NR3C2: variants seen among roughly 807,000 people sequenced by gnomAD.
NR3C2 encodes the protein mineralocorticoid receptor.
A neutral mutation model predicts 86.4 loss-of-function variants in NR3C2; 15 were observed. That is an observed-to-expected ratio of 0.17 (90% CI 0.12 to 0.27). The LOEUF (loss-of-function observed/expected upper bound fraction) is 0.27. Among genes scored for constraint, NR3C2 ranks in the 10% least tolerant of loss-of-function variants. NR3C2 has a pLI of 1.00. For missense variants in NR3C2, 960 were observed against 1,195.6 expected (o/e 0.80, Z 2.91); for synonymous variants, 458 against 450.5 (o/e 1.02, Z -0.21).
chr4:148,313,945 AG>A (rs370861366), intron 2 of NR3C2, among the ~76,000 whole-genome samples: 2 of 152,326 alleles, frequency 1.3e-5, no homozygotes, highest in Non-Finnish European at 2.9e-5. Flanking sequence ...CATCTTTTCA[AG>A]GGGGAAGGTA....
intron 4 of NR3C2, among the ~76,000 whole-genome samples, chr4:148,192,245 T>C (rs1200293203): frequency 6.6e-6 from 1 of 152,176 alleles, no homozygotes; most frequent in East Asian, 1.9e-4. Flanking sequence ...ACTGCAGTGA[T>C]TGTTGTCTCT....
At chr4:148,344,382 C>T (rs1302667366) in intron 2 of NR3C2, among the ~76,000 whole-genome samples, 1 of 152,144 alleles carries the variant, frequency 6.6e-6, no homozygotes. Flanking sequence ...CTGAAAAAAG[C>T]ATGAGCGTTG....
intron 2 of NR3C2, among the ~76,000 whole-genome samples, chr4:148,281,967 A>G (rs939770035): frequency 2.0e-5 from 3 of 152,234 alleles, no homozygotes; most frequent in African/African-American, 4.8e-5. Flanking sequence ...TGGGCCTTGA[A>G]GCATTGGTAA....
Position 148,421,086 on chromosome 4 carries a change from C to T in NR3C2, c.1757+14018G>A, listed in dbSNP as rs138678976. ...AGTCAAGTGTTTATATAAATGCTTG[C>T]TGAAAGAAAATCAGTACTGAACAGA... On this transcript the variant is annotated intron_variant, in intron 2 of 8. Coordinates refer to ENST00000358102, the MANE Select transcript of NR3C2 (RefSeq NM_000901.5). 8.2e-4 allele frequency among the ~76,000 whole-genome samples: 125 copies of T among 152,304 alleles called. 1 individual carries two copies. Among genetic ancestry groups the T allele is most frequent in the African/African-American group, 2.8e-3 (117 of 41,564 alleles).
chr4:148,085,103 T>C (rs1166991548), intron 8 of NR3C2, among the ~76,000 whole-genome samples: 1 of 151,890 alleles, frequency 6.6e-6, no homozygotes, highest in Non-Finnish European at 1.5e-5. Context: ...AGACAGAAAA[T>C]TAACAAAGAT....
At chr4:148,317,876 T>A (rs1743287575) in intron 2 of NR3C2, among the ~76,000 whole-genome samples, 5 of 142,612 alleles carry the variant, frequency 3.5e-5, no homozygotes. Context: ...TGTTTTCTTT[T>A]TCTTTTTTTT....
intron 3 of NR3C2, among the ~76,000 whole-genome samples, chr4:148,249,769 T>G (rs765863141): frequency 6.6e-5 from 10 of 152,182 alleles, no homozygotes; most frequent in Admixed American, 1.3e-4. Flanking sequence ...CACAGGAAGG[T>G]GACGCTTTTG....
Position 148,435,244 on chromosome 4 carries a change from A to G in NR3C2, c.1617T>C (p.Ala539=), listed in dbSNP as rs1357919204. 1.2e-6 allele frequency: 2 copies of G among 1,614,220 alleles called. No homozygotes were observed. Among genetic ancestry groups the G allele is most frequent in the Admixed American group, 3.3e-5 (2 of 60,030 alleles). ...AQGTISLSRS[A]RDQSFQHLSS... ...TCAGGTGTTGGAAAGATTGGTCTCT[A>G]GCCGATCGTGATAAAGATATTGTAC... The change falls in exon 2 of 9, where the codon GCT becomes GCC. Residue 539 remains alanine, a synonymous_variant. Coordinates refer to ENST00000358102, the MANE Select transcript of NR3C2 (RefSeq NM_000901.5).
chr4:148,396,780 T>C (rs1358265341), intron 2 of NR3C2, among the ~76,000 whole-genome samples: 1 of 152,210 alleles, frequency 6.6e-6, no homozygotes, highest in Non-Finnish European at 1.5e-5. Flanking sequence ...TAATAAACTC[T>C]GAATAATTCT....
chr4:148,323,760 C>G (rs1335220636), intron 2 of NR3C2, among the ~76,000 whole-genome samples: 2 of 152,136 alleles, frequency 1.3e-5, no homozygotes, highest in African/African-American at 4.8e-5. Flanking sequence ...CGCGCACCCA[C>G]TGACCTGTGC....
chr4:148,358,676 T>C (rs1414047407), intron 2 of NR3C2, among the ~76,000 whole-genome samples: 1 of 152,080 alleles, frequency 6.6e-6, no homozygotes, highest in Non-Finnish European at 1.5e-5. Flanking sequence ...TCTTTTTTGC[T>C]AAATTTAAAT....
chr4:148,367,280 A>G (rs576504859), intron 2 of NR3C2, among the ~76,000 whole-genome samples: 1 of 152,342 alleles, frequency 6.6e-6, no homozygotes, highest in South Asian at 2.1e-4. Flanking sequence ...CAATTGCTTG[A>G]GCCAATATAG....
chr4:148,099,544 T>C (rs770140600), intron 8 of NR3C2, among the ~76,000 whole-genome samples: 29 of 152,206 alleles, frequency 1.9e-4, no homozygotes, highest in Non-Finnish European at 3.4e-4. Context: ...ATTTTCTTTT[T>C]ATAGAGAAAG....
intron 8 of NR3C2, among the ~76,000 whole-genome samples, chr4:148,094,110 C>G (rs1296907639): frequency 6.6e-6 from 1 of 152,136 alleles, no homozygotes; most frequent in Non-Finnish European, 1.5e-5. Context: ...CTCCAGTCAT[C>G]AGAGAAATGC....
At chr4:148,434,563 A>C (rs1749944293) in intron 2 of NR3C2, among the ~76,000 whole-genome samples, 1 of 152,158 alleles carries the variant, frequency 6.6e-6, no homozygotes, top group Admixed American at 6.5e-5. Context: ...GTATTGAAAA[A>C]CCACAACTTT....
chr4:148,387,394 G>A (rs1050539547), intron 2 of NR3C2, among the ~76,000 whole-genome samples: 14 of 152,146 alleles, frequency 9.2e-5, no homozygotes, highest in African/African-American at 3.1e-4. Context: ...TAGAGAAAGG[G>A]AGACCCCCAT....
At position 148,154,323 on chromosome 4, in the gene NR3C2, C is replaced by T. The variant is rs554501728; in HGVS notation, c.2365+228G>A. On this transcript the variant is annotated intron_variant, in intron 5 of 8. Transcript: ENST00000358102. ...ACAGGCGTGAGCCACTGCGCCCAGC[C>T]GTATCTGTCATTTTAACAATAAAAT... Among the ~76,000 whole-genome samples, 507 of 152,276 alleles carry T rather than the reference C, an allele frequency of 3.3e-3. 2 individuals carry two copies. Among genetic ancestry groups the T allele is most frequent in the Non-Finnish European group, 6.1e-3 (415 of 68,026 alleles).
intron 2 of NR3C2, among the ~76,000 whole-genome samples, chr4:148,412,696 A>C (rs72732308): frequency 0.15 from 23,135 of 152,190 alleles, 2,245 homozygotes; most frequent in African/African-American, 0.27. Context: ...ACATTCTTTT[A>C]CTTATTTATA....
At chr4:148,128,559 G>T (rs1732861465) in intron 6 of NR3C2, among the ~76,000 whole-genome samples, 1 of 152,146 alleles carries the variant, frequency 6.6e-6, no homozygotes, top group South Asian at 2.1e-4. Context: ...ACCACAGTGA[G>T]AACACAAGCA....
Sources: gnomAD v4.1 joint callset for allele counts (sites outside exome capture counted in the v4.1 genomes callset) on GRCh38, gnomAD v4.1.1 for gene constraint, MANE v1.5 for transcripts, NCBI Gene and HGNC (gene_info 2026-07-23, HGNC 2026-07-21) for gene names.